Variants in CMKLR1 observed in about 807,000 individuals in gnomAD.
CMKLR1 encodes the protein chemerin-like receptor 1.
Under a neutral mutation model 8.2 loss-of-function variants are expected in CMKLR1, and 6 were observed. The ratio of observed to expected loss-of-function variants is 0.73; its 90% CI spans 0.40 to 1.44. The LOEUF (loss-of-function observed/expected upper bound fraction) is 1.44. Among genes scored for constraint, CMKLR1 ranks in the 40% most tolerant of loss-of-function variants. The probability of loss-of-function intolerance (pLI) is 0.02; values close to 1 mark genes in which losing one functional copy is unlikely to be tolerated. For synonymous variants in CMKLR1, 178 were observed against 181.2 expected (o/e 0.98, Z 0.14); for missense variants, 429 against 478.0 (o/e 0.90, Z 0.96).
intron 2 of CMKLR1, among the ~76,000 whole-genome samples, chr12:108,321,080 A>G (rs1891850853): frequency 6.6e-6 from 1 of 152,192 alleles, no homozygotes; most frequent in Non-Finnish European, 1.5e-5. Flanking sequence ...TGGCTGCCGC[A>G]GAGCACAATG....
In CMKLR1 at chr12:108,292,532, G is replaced by A. The variant is rs764278648; in HGVS notation, c.431C>T (p.Pro144Leu). ...SSDRCISVLL[P>L]VWSQNHRSVR... ...GCTGCGGTGGTTCTGGGACCAGACA[G>A]GGAGGAGCACAGAGATGCAGCGGTC... Residue 144 changes from proline (P) to leucine (L), a missense_variant, in exon 4 of 4, where the codon CCT becomes CTT. Physicochemically the swap from Pro to Leu is moderately conservative, Grantham distance 98. Transcript: ENST00000550402. 2.5e-6 allele frequency: 4 copies of A among 1,614,200 alleles called. No individual in the cohort carries two copies. The highest frequency in any genetic ancestry group is 8.5e-7 in the Non-Finnish European group (1 of 1,180,046).
chr12:108,296,554 G>T (rs554224170), intron 2 of CMKLR1, among the ~76,000 whole-genome samples: 3 of 152,162 alleles, frequency 2.0e-5, no homozygotes, highest in African/African-American at 7.2e-5. Flanking sequence ...GGCCAGGCAC[G>T]GTGGCTCATG....
chr12:108,332,970 G>T (rs1244061794), intron 1 of CMKLR1, among the ~76,000 whole-genome samples: 1 of 152,096 alleles, frequency 6.6e-6, no homozygotes, highest in African/African-American at 2.4e-5. Flanking sequence ...ATGAGATTTT[G>T]TCTCAAAAAA....
chr12:108,300,002 G>T (rs1322030508), intron 2 of CMKLR1, among the ~76,000 whole-genome samples: 1 of 152,224 alleles, frequency 6.6e-6, no homozygotes. Flanking sequence ...GCTGGCATAT[G>T]CATCTGATTA....
At chr12:108,317,957 G>T (rs1271002280) in intron 2 of CMKLR1, 2 of 152,184 alleles carry the variant, frequency 1.3e-5, no homozygotes, top group African/African-American at 2.4e-5. Flanking sequence ...TGCATAAACG[G>T]AAGTATACTA....
intron 2 of CMKLR1, among the ~76,000 whole-genome samples, chr12:108,304,347 C>T (rs1010834776): frequency 6.6e-6 from 1 of 152,148 alleles, no homozygotes; most frequent in African/African-American, 2.4e-5. Flanking sequence ...GTTCCCCTGC[C>T]GGTGTGTGTC....
intron 2 of CMKLR1, among the ~76,000 whole-genome samples, chr12:108,314,304 T>C (rs892776434): frequency 1.3e-5 from 2 of 152,138 alleles, no homozygotes; most frequent in African/African-American, 2.4e-5. Context: ...CCCAGCTTCC[T>C]GAAAGGGGGA....
chr12:108,294,206 C>T (rs1304945043), intron 2 of CMKLR1, among the ~76,000 whole-genome samples: 1 of 152,204 alleles, frequency 6.6e-6, no homozygotes, highest in Non-Finnish European at 1.5e-5. Context: ...GACTGAGGCT[C>T]AGAGAAAGAA....
Position 108,291,847 on chromosome 12 carries a change from C to T in CMKLR1, c.1116G>A (p.Met372Ile). 6.2e-7 allele frequency: 1 copy of T among 1,610,598 alleles called. No homozygotes were observed. Among genetic ancestry groups the T allele is most frequent in the Non-Finnish European group, 8.5e-7 (1 of 1,178,270 alleles). ...RTSMNERETG[M>I]L Reference sequence around the variant, plus strand: ...AGGGGTTCCACAGTGAGGATCAAAGCATGCCGGTCTCCCTCTCATTCATAG... The same window carrying T: ...AGGGGTTCCACAGTGAGGATCAAAGTATGCCGGTCTCCCTCTCATTCATAG... Residue 372 changes from methionine to isoleucine, a missense_variant, in exon 4 of 4, where the codon ATG becomes ATA. Met to Ile is a conservative substitution (Grantham distance 10). Coordinates refer to ENST00000550402, the MANE Select transcript of CMKLR1 (RefSeq NM_001142343.2).
At chr12:108,323,978 G>T (rs1176557854) in intron 2 of CMKLR1, among the ~76,000 whole-genome samples, 1 of 152,196 alleles carries the variant, frequency 6.6e-6, no homozygotes, top group Non-Finnish European at 1.5e-5. Context: ...AGAGAGACCA[G>T]GGGTCTACAG....
intron 2 of CMKLR1, among the ~76,000 whole-genome samples, chr12:108,303,369 T>C (rs529565566): frequency 1.3e-5 from 2 of 152,350 alleles, no homozygotes; most frequent in East Asian, 3.9e-4. Context: ...TCTCCTGCCA[T>C]GCAGAACAAA....
chr12:108,306,723 C>T (rs1272983198), intron 2 of CMKLR1, among the ~76,000 whole-genome samples: 1 of 152,172 alleles, frequency 6.6e-6, no homozygotes, highest in African/African-American at 2.4e-5. Flanking sequence ...TTACTATGGC[C>T]TGAGCAATCT....
intron 2 of CMKLR1, among the ~76,000 whole-genome samples, chr12:108,311,943 C>G (rs1325404785): frequency 2.0e-5 from 3 of 152,244 alleles, no homozygotes; most frequent in Non-Finnish European, 4.4e-5. Context: ...GCACCTGGGC[C>G]TCTGCTCTTG....
intron 3 of CMKLR1, 75 bp downstream of exon 3, chr12:108,293,514 T>C: frequency 6.7e-7 from 1 of 1,501,774 alleles, no homozygotes; most frequent in Non-Finnish European, 9.1e-7. Flanking sequence ...ACAGCCTTGT[T>C]GTGATCCCCC....
chr12:108,318,315 G>GTGC (rs760193270), intron 2 of CMKLR1, among the ~76,000 whole-genome samples: 7 of 152,302 alleles, frequency 4.6e-5, no homozygotes, highest in Non-Finnish European at 8.8e-5. Context: ...TGCACTGACT[G>GTGC]TGCTGTGTTT....
At chr12:108,294,430 T>G (rs919833132) in intron 2 of CMKLR1, among the ~76,000 whole-genome samples, 1 of 152,202 alleles carries the variant, frequency 6.6e-6, no homozygotes. Context: ...TCTGAGGAGT[T>G]TGCAAGTTTG....
chr12:108,311,095 A>G (rs1202943744), intron 2 of CMKLR1, among the ~76,000 whole-genome samples: 1 of 152,102 alleles, frequency 6.6e-6, no homozygotes, highest in African/African-American at 2.4e-5. Flanking sequence ...CTTCAATTCC[A>G]CCATCAGGGT....
At chr12:108,308,487 GTT>G (rs201014047) in intron 2 of CMKLR1, among the ~76,000 whole-genome samples, 17,833 of 152,106 alleles carry the variant, frequency 0.12, 1,185 homozygotes, top group Admixed American at 0.16. Context: ...TCAACAGCCT[GTT>G]CCCTGCAGGC....
At chr12:108,336,179 G>A (rs1892217012) in intron 1 of CMKLR1, among the ~76,000 whole-genome samples, 1 of 152,146 alleles carries the variant, frequency 6.6e-6, no homozygotes, top group South Asian at 2.1e-4. Flanking sequence ...GAATGACCTG[G>A]GGTGCTGGTT....
Sources: gnomAD v4.1 joint callset for allele counts (sites outside exome capture counted in the v4.1 genomes callset) on GRCh38, gnomAD v4.1.1 for gene constraint, MANE v1.5 for transcripts, NCBI Gene and HGNC (gene_info 2026-07-23, HGNC 2026-07-21) for gene names.